L3MBTL4: variants seen among roughly 807,000 people sequenced by gnomAD.
The protein encoded by L3MBTL4 is L3MBTL histone methyl-lysine binding protein 4.
L3MBTL4 carries 70 observed loss-of-function variants against 84.5 expected under a neutral mutation model. The observed-to-expected ratio is 0.83, with a 90% CI of 0.68 to 1.01. The LOEUF (loss-of-function observed/expected upper bound fraction) is 1.01, where lower values mean the gene tolerates loss of function less well. L3MBTL4 is among the 50% of genes least tolerant of loss of function. The pLI, the probability that L3MBTL4 is intolerant of heterozygous loss-of-function variation, is 0.00. For missense variants in L3MBTL4, 715 were observed against 754.8 expected, an observed-to-expected ratio of 0.95 and a Z score of 0.62; for synonymous variants, 274 against 259.8, an observed-to-expected ratio of 1.05 and a Z score of -0.52.
chr18:6,250,715 G>A (rs575809181), intron 5 of L3MBTL4, among the ~76,000 whole-genome samples: 8 of 152,280 alleles, frequency 5.3e-5, no homozygotes, highest in Admixed American at 4.6e-4. Flanking sequence ...ACTGGGCAAG[G>A]ACCTCAGGCC....
At chr18:6,061,701 CTT>C (rs1231984645) in intron 16 of L3MBTL4, among the ~76,000 whole-genome samples, 2 of 151,926 alleles carry the variant, frequency 1.3e-5, no homozygotes, top group Non-Finnish European at 2.9e-5. Flanking sequence ...GTCTTCCTCT[CTT>C]TTTCTCCCTT....
intron 5 of L3MBTL4, among the ~76,000 whole-genome samples, chr18:6,254,874 C>T (rs1176633132): frequency 6.6e-6 from 1 of 152,128 alleles, no homozygotes; most frequent in Non-Finnish European, 1.5e-5. Flanking sequence ...GAAACAAAAA[C>T]AAAGCACGTA....
At chr18:6,058,371 C>T (rs2057095723) in intron 16 of L3MBTL4, among the ~76,000 whole-genome samples, 1 of 152,144 alleles carries the variant, frequency 6.6e-6, no homozygotes, top group South Asian at 2.1e-4. Flanking sequence ...TGAATTGTTC[C>T]TCATTGTCTG....
chr18:5,971,947 T>C (rs2052661214), intron 16 of L3MBTL4, among the ~76,000 whole-genome samples: 2 of 152,248 alleles, frequency 1.3e-5, no homozygotes, highest in African/African-American at 4.8e-5. Flanking sequence ...ATATTATCTA[T>C]GGCTTTTGAA....
intron 16 of L3MBTL4, among the ~76,000 whole-genome samples, chr18:6,071,777 GAAA>G (rs1568066811): frequency 1.2e-5 from 1 of 81,232 alleles, no homozygotes; most frequent in Non-Finnish European, 2.9e-5. Flanking sequence ...AAGAAAGAAA[GAAA>G]GAAAGAAAGA....
At chr18:6,043,293 C>A in intron 16 of L3MBTL4, among the ~76,000 whole-genome samples, 1 of 152,112 alleles carries the variant, frequency 6.6e-6, no homozygotes, top group Non-Finnish European at 1.5e-5. Flanking sequence ...GTATTCAGAA[C>A]AAAGGCCAGA....
At chr18:6,195,306 C>T (rs982600562) in intron 12 of L3MBTL4, among the ~76,000 whole-genome samples, 2 of 152,188 alleles carry the variant, frequency 1.3e-5, no homozygotes, top group South Asian at 2.1e-4. Context: ...CATTCAGCCA[C>T]GGAATTCCCC....
intron 16 of L3MBTL4, among the ~76,000 whole-genome samples, chr18:6,013,403 T>C (rs777110502): frequency 1.3e-5 from 2 of 152,228 alleles, no homozygotes; most frequent in Admixed American, 6.5e-5. Flanking sequence ...CAGAACGCAA[T>C]GTGTAAAAAA....
At chr18:6,250,553 T>C in intron 5 of L3MBTL4, among the ~76,000 whole-genome samples, 1 of 151,998 alleles carries the variant, frequency 6.6e-6, no homozygotes, top group East Asian at 1.9e-4. Context: ...TCCAACTGAA[T>C]GCCCCTCAAT....
chr18:5,957,812 T>C (rs2095235729), intron 18 of L3MBTL4, among the ~76,000 whole-genome samples: 1 of 150,204 alleles, frequency 6.7e-6, no homozygotes, highest in Non-Finnish European at 1.5e-5. Context: ...CTACTGAAAA[T>C]ACAAAAATTA....
intron 13 of L3MBTL4, among the ~76,000 whole-genome samples, chr18:6,143,541 A>G (rs995816208): frequency 1.3e-5 from 2 of 152,230 alleles, no homozygotes; most frequent in African/African-American, 4.8e-5. Flanking sequence ...GATAAAGGAA[A>G]CCTACCATCA....
chr18:6,036,980 C>G (rs79087748), intron 16 of L3MBTL4, among the ~76,000 whole-genome samples: 2,342 of 152,118 alleles, frequency 0.015, 69 homozygotes, highest in African/African-American at 0.053. Context: ...AGAAAAATGA[C>G]GGGAAGGGGG....
chr18:6,076,907 A>G (rs201841105), intron 16 of L3MBTL4, among the ~76,000 whole-genome samples: 1 of 152,220 alleles, frequency 6.6e-6, no homozygotes, highest in South Asian at 2.1e-4. Context: ...AGTGGCCGTG[A>G]GAGTGACATC....
chr18:6,163,877 C>A (rs947612283), intron 13 of L3MBTL4, among the ~76,000 whole-genome samples: 1 of 152,108 alleles, frequency 6.6e-6, no homozygotes, highest in Non-Finnish European at 1.5e-5. Flanking sequence ...TGAAGCAGGG[C>A]GAGGCATCAA....
chr18:6,263,733 A>T (rs568047360), intron 5 of L3MBTL4, among the ~76,000 whole-genome samples: 15 of 152,312 alleles, frequency 9.8e-5, no homozygotes, highest in African/African-American at 3.6e-4. Context: ...GAACTGAATG[A>T]CTTGCCCAAG....
At chr18:6,256,303 C>T (rs959241804) in intron 5 of L3MBTL4, among the ~76,000 whole-genome samples, 4 of 151,986 alleles carry the variant, frequency 2.6e-5, no homozygotes, top group Admixed American at 1.3e-4. Flanking sequence ...AGGTGAAGAA[C>T]TTAAATTTGG....
chr18:6,270,266 T>G (rs913771103), intron 4 of L3MBTL4, among the ~76,000 whole-genome samples: 1 of 152,194 alleles, frequency 6.6e-6, no homozygotes, highest in Non-Finnish European at 1.5e-5. Flanking sequence ...ACGGGACCCT[T>G]TCCATGCTCT....
chr18:6,201,583 G>A (rs370738747), intron 12 of L3MBTL4, among the ~76,000 whole-genome samples: 91 of 152,108 alleles, frequency 6.0e-4, no homozygotes, highest in African/African-American at 2.0e-3. Context: ...TGGCTCACTC[G>A]GAAATTTATA....
chr18:6,206,795 G>A (rs77339135), intron 12 of L3MBTL4, among the ~76,000 whole-genome samples: 12 of 152,154 alleles, frequency 7.9e-5, no homozygotes, highest in South Asian at 2.1e-4. Flanking sequence ...ATGGTAGCCC[G>A]CATTTCTTCT....
Sources: allele counts gnomAD v4.1 joint callset (sites outside exome capture counted in the v4.1 genomes callset), GRCh38; gene constraint gnomAD v4.1.1; transcripts MANE v1.5; gene names NCBI Gene and HGNC (gene_info 2026-07-23, HGNC 2026-07-21).